TNIK: variants seen among roughly 807,000 people sequenced by gnomAD.
TNIK encodes the protein TRAF2 and NCK interacting kinase, also known as TRAF2 and NCK-interacting protein kinase.
A neutral mutation model predicts 191.3 loss-of-function variants in TNIK; 49 were observed. That is an observed-to-expected ratio of 0.26 (90% CI 0.20 to 0.32). The LOEUF is 0.32. TNIK is among the 10% of genes least tolerant of loss of function. TNIK has a pLI of 1.00. For synonymous variants in TNIK, 594 were observed against 600.9 expected (o/e 0.99, Z 0.17); for missense variants, 1,155 against 1,702.3 (o/e 0.68, Z 5.66).
intron 23 of TNIK, among the ~76,000 whole-genome samples, chr3:171,092,377 G>T (rs1722190958): frequency 1.3e-5 from 2 of 152,194 alleles, no homozygotes; most frequent in African/African-American, 4.8e-5. Flanking sequence ...TGGAGGTATT[G>T]ACTCTGTCAT....
rs1292339845 is a variant in TNIK, at chr3:171,245,976, G to A, written c.124-17755C>T. Among the ~76,000 whole-genome samples, 5 of 152,278 alleles carry A rather than the reference G, an allele frequency of 3.3e-5. No homozygotes were observed. In the East Asian group the frequency reaches 9.6e-4, roughly 29 times the overall value. ...GGGGAGCAGATGAAGAACGGAAGTAGATGCTTGTGTAGGGCAGCCTTGAAA... is the reference window on the plus strand; with the variant it reads ...GGGGAGCAGATGAAGAACGGAAGTAAATGCTTGTGTAGGGCAGCCTTGAAA... On this transcript the variant is annotated intron_variant, in intron 2 of 32. Transcript: ENST00000436636.
rs58036114 is a variant in TNIK, at chr3:171,159,688, C to T, written c.1016+1582G>A. ...GATCTGAGCTGTGTTAGTGACTCAA[C>T]CATTAACTCTGTGTGTGACCTGGGT... On this transcript the variant is annotated intron_variant, in intron 11 of 32. Coordinates refer to ENST00000436636, the MANE Select transcript of TNIK (RefSeq NM_015028.4). This position sits in a 1 kb window ranked among gnomAD's most constrained non-coding sequence, Gnocchi z 4.1. 0.16 allele frequency among the ~76,000 whole-genome samples: 23,979 copies of T among 152,174 alleles called. 3,666 individuals carry two copies. The highest frequency in any genetic ancestry group is 0.4 in the African/African-American group (16,760 of 41,466).
At chr3:171,197,946 AAAC>A (rs1738907572) in intron 4 of TNIK, among the ~76,000 whole-genome samples, 1 of 152,248 alleles carries the variant, frequency 6.6e-6, no homozygotes, top group African/African-American at 2.4e-5. Flanking sequence ...ACAGGTGTTC[AAAC>A]AAAAACTTGT....
chr3:171,377,438 C>T (rs997025191), intron 1 of TNIK, among the ~76,000 whole-genome samples: 1 of 152,200 alleles, frequency 6.6e-6, no homozygotes, highest in Non-Finnish European at 1.5e-5. Flanking sequence ...ACAAAGTCGG[C>T]CTTTAGAACT....
At chr3:171,364,728 G>A (rs1280371454) in intron 2 of TNIK, among the ~76,000 whole-genome samples, 1 of 152,160 alleles carries the variant, frequency 6.6e-6, no homozygotes, top group Non-Finnish European at 1.5e-5. Context: ...CTATGGCAGA[G>A]GGAAGCAGAG....
intron 2 of TNIK, among the ~76,000 whole-genome samples, chr3:171,229,474 G>A (rs1181029452): frequency 6.6e-6 from 1 of 152,212 alleles, no homozygotes; most frequent in East Asian, 1.9e-4. Context: ...TTCAGTAGTT[G>A]AAGTTGGTGA....
At chr3:171,212,504 T>G (rs1740959936) in intron 3 of TNIK, among the ~76,000 whole-genome samples, 1 of 152,166 alleles carries the variant, frequency 6.6e-6, no homozygotes, top group Admixed American at 6.5e-5. Flanking sequence ...TCTTCAGATC[T>G]CAGTTCTACA....
At chr3:171,459,968 C>A in intron 1 of TNIK, 39 bp downstream of exon 1, 2 of 1,592,174 alleles carry the variant, frequency 1.3e-6, no homozygotes, top group Non-Finnish European at 1.7e-6. Flanking sequence ...TCACCCTAAC[C>A]CAAACCACTG....
At chr3:171,332,214 A>G (rs560859769) in intron 2 of TNIK, among the ~76,000 whole-genome samples, 2 of 152,204 alleles carry the variant, frequency 1.3e-5, no homozygotes, top group African/African-American at 4.8e-5. Flanking sequence ...TTCTTCATAA[A>G]CTTTGTTTTA....
chr3:171,383,041 T>G (rs1056833465), intron 1 of TNIK, among the ~76,000 whole-genome samples: 1 of 152,150 alleles, frequency 6.6e-6, no homozygotes, highest in African/African-American at 2.4e-5. Context: ...GCATCAATCC[T>G]GTGAAGTAGA....
intron 2 of TNIK, among the ~76,000 whole-genome samples, chr3:171,338,656 GTTGT>G (rs1560448378): frequency 7.5e-6 from 1 of 133,652 alleles, no homozygotes; most frequent in African/African-American, 2.8e-5. Flanking sequence ...GCTCAGCTAA[GTTGT>G]TTTTTTTTTT....
At chr3:171,353,664 C>G (rs950099110) in intron 2 of TNIK, among the ~76,000 whole-genome samples, 1 of 152,148 alleles carries the variant, frequency 6.6e-6, no homozygotes, top group Non-Finnish European at 1.5e-5. Context: ...AGAGATGGCT[C>G]TTAAACTATC....
At chr3:171,213,774 G>A (rs770920660) in intron 3 of TNIK, among the ~76,000 whole-genome samples, 2 of 152,102 alleles carry the variant, frequency 1.3e-5, no homozygotes, top group Non-Finnish European at 1.5e-5. Context: ...TGCATGTTGA[G>A]TTTGGGTACC....
intron 2 of TNIK, among the ~76,000 whole-genome samples, chr3:171,264,050 G>A (rs1267610928): frequency 6.8e-6 from 1 of 146,174 alleles, no homozygotes; most frequent in Non-Finnish European, 1.5e-5. Flanking sequence ...ATATATGTGT[G>A]TGTGTATATA....
At chr3:171,446,964 G>A (rs1727575693) in intron 1 of TNIK, among the ~76,000 whole-genome samples, 1 of 152,228 alleles carries the variant, frequency 6.6e-6, no homozygotes, top group Non-Finnish European at 1.5e-5. Flanking sequence ...GCTGAGGCGG[G>A]CGGATCACCT....
intron 1 of TNIK, among the ~76,000 whole-genome samples, chr3:171,406,079 A>C (rs1721630717): frequency 6.6e-6 from 1 of 152,216 alleles, no homozygotes; most frequent in East Asian, 1.9e-4. Flanking sequence ...GTAGGTAAGC[A>C]TATATGGATC....
intron 1 of TNIK, among the ~76,000 whole-genome samples, chr3:171,372,367 A>T (rs1411924086): frequency 1.3e-5 from 2 of 152,258 alleles, no homozygotes; most frequent in African/African-American, 4.8e-5. Flanking sequence ...GAATCATCAT[A>T]TCAGATGGGT....
At chr3:171,298,403 T>C (rs1396849434) in intron 2 of TNIK, among the ~76,000 whole-genome samples, 1 of 152,264 alleles carries the variant, frequency 6.6e-6, no homozygotes, top group Non-Finnish European at 1.5e-5. Flanking sequence ...AATATATGTC[T>C]GTGGCAGAAA....
At chr3:171,319,287 G>A (rs1359113244) in intron 2 of TNIK, among the ~76,000 whole-genome samples, 1 of 152,102 alleles carries the variant, frequency 6.6e-6, no homozygotes, top group African/African-American at 2.4e-5. Flanking sequence ...TCCAGAATGG[G>A]CAACTTTCCA....
Sources: allele counts gnomAD v4.1 joint callset (sites outside exome capture counted in the v4.1 genomes callset), GRCh38; gene constraint gnomAD v4.1.1; non-coding constraint Gnocchi (gnomAD v3.1); transcripts MANE v1.5; gene names NCBI Gene and HGNC (gene_info 2026-07-23, HGNC 2026-07-21).